Variants in RTN4 observed in about 807,000 individuals in gnomAD.
The protein encoded by RTN4 is reticulon-4.
RTN4 carries 32 observed loss-of-function variants against 90.4 expected under a neutral mutation model. The ratio of observed to expected loss-of-function variants is 0.35; its 90% CI spans 0.27 to 0.48. The LOEUF (loss-of-function observed/expected upper bound fraction) is 0.48, where lower values mean the gene tolerates loss of function less well. Ranked by LOEUF, RTN4 falls within the 20% of genes least tolerant of loss-of-function variation. RTN4 has a pLI of 0.99. For synonymous variants in RTN4, 629 were observed against 552.5 expected (o/e 1.14, Z -1.94); for missense variants, 1,706 against 1,430.2 (o/e 1.19, Z -3.11).
At chr2:55,086,154 A>T (rs1668833201) in intron 1 of RTN4, among the ~76,000 whole-genome samples, 1 of 152,214 alleles carries the variant, frequency 6.6e-6, no homozygotes, top group African/African-American at 2.4e-5. Context: ...CATTGAAAAG[A>T]CACAAAGATC....
chr2:55,058,418 T>C (rs532557542), intron 2 of RTN4, among the ~76,000 whole-genome samples: 9 of 152,350 alleles, frequency 5.9e-5, no homozygotes, highest in African/African-American at 1.9e-4. Context: ...TAATGTTAAA[T>C]GTACCACACA....
Position 54,972,302 on chromosome 2 carries a change from A to G in RTN4, c.*854T>C, listed in dbSNP as rs1355915233. On this transcript the variant is annotated 3_prime_UTR_variant, in exon 9 of 9. Coordinates refer to ENST00000337526, the MANE Select transcript of RTN4 (RefSeq NM_020532.5). ...GGTATAAATCTTCATTTTGTAATTAATAATTTCTTGCATAACAATGTTTGA... is the reference window on the plus strand; with the variant it reads ...GGTATAAATCTTCATTTTGTAATTAGTAATTTCTTGCATAACAATGTTTGA... The G allele has an allele frequency of 2.6e-5, 4 of 152,666 alleles. No individual in the cohort carries two copies. The highest frequency in any genetic ancestry group is 9.6e-5 in the African/African-American group (4 of 41,462). 9.5% of individuals were successfully genotyped at this position (152,666 alleles called of 1,614,324 possible). A position where few individuals can be genotyped will look rare whatever the true frequency, so the allele number is the denominator to read the frequency against.
At chr2:55,056,008 A>ATG (rs1558860483) in intron 2 of RTN4, among the ~76,000 whole-genome samples, 1 of 151,562 alleles carries the variant, frequency 6.6e-6, no homozygotes, top group Non-Finnish European at 1.5e-5. Flanking sequence ...GTGTGTGTAT[A>ATG]TATATATATA....
At position 54,990,310 on chromosome 2, in the gene RTN4, C is replaced by T. The variant is rs544684349; in HGVS notation, c.3014-2612G>A. ...ACCACAAAAATAATAGGTAACAAGG[C>T]GGTACTTTAATAAGTTTGATTTAAT... On this transcript the variant is annotated intron_variant, in intron 3 of 8. Coordinates refer to ENST00000337526, the MANE Select transcript of RTN4 (RefSeq NM_020532.5). 4.6e-5 allele frequency among the ~76,000 whole-genome samples: 7 copies of T among 152,170 alleles called. No individual in the cohort carries two copies. The South Asian group carries it at 1.2e-3, about 27-fold the overall frequency.
chr2:55,107,914 G>C (rs559512150), intron 1 of RTN4, among the ~76,000 whole-genome samples: 2 of 152,062 alleles, frequency 1.3e-5, no homozygotes, highest in South Asian at 4.2e-4. Context: ...GCTACATAGA[G>C]ACTGGACTTT....
intron 2 of RTN4, among the ~76,000 whole-genome samples, chr2:55,058,144 A>C (rs189488935): frequency 6.6e-6 from 1 of 152,322 alleles, no homozygotes; most frequent in African/African-American, 2.4e-5. Flanking sequence ...CAAGGGATAA[A>C]GGAGAGGGAA....
chr2:55,102,578 C>A (rs1485516226), intron 1 of RTN4, among the ~76,000 whole-genome samples: 2 of 151,940 alleles, frequency 1.3e-5, no homozygotes, highest in Admixed American at 1.3e-4. Context: ...AGTTGGCAGA[C>A]CTCACAAGAA....
intron 1 of RTN4, among the ~76,000 whole-genome samples, chr2:55,045,681 T>C (rs936084333): frequency 6.6e-6 from 1 of 152,232 alleles, no homozygotes; most frequent in African/African-American, 2.4e-5. Context: ...GGTTTCATAA[T>C]ATAAATTACC....
chr2:55,128,814 G>A, the RTN4 span, among the ~76,000 whole-genome samples: 1 of 151,834 alleles, frequency 6.6e-6, no homozygotes, highest in Non-Finnish European at 1.5e-5. Flanking sequence ...AAAAAAAGGG[G>A]TGGGAGAGAG....
At chr2:55,072,465 G>A (rs933613313) in intron 2 of RTN4, among the ~76,000 whole-genome samples, 3 of 152,116 alleles carry the variant, frequency 2.0e-5, no homozygotes, top group Non-Finnish European at 2.9e-5. Context: ...TCCTGACCTC[G>A]TGATCCGCCT....
intron 5 of RTN4, 124 bp downstream of exon 5, chr2:54,982,391 T>A: frequency 1.2e-6 from 1 of 849,252 alleles, no homozygotes. Flanking sequence ...AAACACAAGT[T>A]TACAGCCATG....
In RTN4 at chr2:54,977,809, TAGTTAATTGC is replaced by T. The variant is rs540974281; in HGVS notation, c.3361-3055_3361-3046del. 2.6e-5 allele frequency among the ~76,000 whole-genome samples: 4 copies of T among 152,354 alleles called. No individual in the cohort carries two copies. The South Asian group carries it at 8.3e-4, about 32-fold the overall frequency. ...ATCTTTTCTAGGACTTAGAAGTTTGTAGTTAATTGCAAAGGAGCAAAACAAACGGAATATT... is the reference window on the plus strand; with the variant it reads ...ATCTTTTCTAGGACTTAGAAGTTTGTAAAGGAGCAAAACAAACGGAATATT... On this transcript the variant is annotated intron_variant, in intron 5 of 8. Coordinates refer to ENST00000337526, the MANE Select transcript of RTN4 (RefSeq NM_020532.5).
rs144402841 is a variant in RTN4 at position 55,068,742 on chromosome 2, A to G, written c.-63+11747T>C. On this transcript the variant is annotated intron_variant, in intron 2 of 3. Coordinates refer to the RTN4 transcript ENST00000427710. The stretch of plus-strand genomic sequence containing the variant: ...TAATTGCATAAATGATTTGCTGAAG[A>G]CAATCACTTTTGTACTTCAGTATGC... 5.9e-5 allele frequency among the ~76,000 whole-genome samples: 9 copies of G among 152,102 alleles called. No homozygotes were observed. In the East Asian group the frequency reaches 1.7e-3, roughly 29 times the overall value.
rs1558820279 is a variant in RTN4 at position 55,025,792 on chromosome 2, T to G, written c.2307A>C (p.Glu769Asp). 6.2e-7 allele frequency: 1 copy of G among 1,613,624 alleles called. No homozygotes were observed. The highest frequency in any genetic ancestry group is 8.5e-7 in the Non-Finnish European group (1 of 1,179,806). Reference sequence around the variant, plus strand: ...ACTCAAATGAAGTCTCAGTGAGACTTTCTTTCACAAGCATCACAGTTTCAT... The same window carrying G: ...ACTCAAATGAAGTCTCAGTGAGACTGTCTTTCACAAGCATCACAGTTTCAT... Reference protein sequence around the residue: ...KQDETVMLVKESLTETSFESM... With the variant: ...KQDETVMLVKDSLTETSFESM... Residue 769 changes from glutamate to aspartate, a missense_variant, in exon 3 of 9, where the codon GAA becomes GAC. Glu to Asp is a conservative substitution (Grantham distance 45). Coordinates refer to ENST00000337526, the MANE Select transcript of RTN4 (RefSeq NM_020532.5).
rs904216088 is a variant in RTN4, at chr2:55,032,894, G to A, written c.557-4674C>T. On this transcript the variant is annotated intron_variant, in intron 1 of 8. Coordinates refer to ENST00000337526, the MANE Select transcript of RTN4 (RefSeq NM_020532.5). The stretch of plus-strand genomic sequence containing the variant: ...AAACTTAAAAATTAGCCGGTGTAGT[G>A]GTGCACACGTGCAGTTCTAGCAACT... 5.9e-5 allele frequency among the ~76,000 whole-genome samples: 9 copies of A among 151,858 alleles called. No individual in the cohort carries two copies. In the East Asian group the frequency reaches 1.5e-3, roughly 26 times the overall value.
At chr2:55,046,138 C>G (rs757849254) in intron 1 of RTN4, among the ~76,000 whole-genome samples, 2 of 152,126 alleles carry the variant, frequency 1.3e-5, no homozygotes, top group African/African-American at 2.4e-5. Context: ...ATCTAGAAAC[C>G]CTCTCTTCCA....
chr2:55,122,355 C>T, the RTN4 span, among the ~76,000 whole-genome samples: 15 of 152,296 alleles, frequency 9.8e-5, no homozygotes, highest in South Asian at 2.9e-3. Context: ...GCTTACAACA[C>T]CAAGAAGTCA....
At chr2:55,004,859 G>C (rs146028456) in intron 3 of RTN4, among the ~76,000 whole-genome samples, 3,809 of 151,802 alleles carry the variant, frequency 0.025, 160 homozygotes, top group Admixed American at 0.12. Flanking sequence ...CCTTAGGGGG[G>C]AAAAAAAAGT....
In RTN4 at chr2:55,026,143, C is replaced by G. The variant is rs1341090379; in HGVS notation, c.1956G>C (p.Glu652Asp). Residue 652 changes from glutamate (E) to aspartate (D), a missense_variant, in exon 3 of 9, where the codon GAG becomes GAC. Physicochemically the swap from Glu to Asp is conservative, Grantham distance 45. Coordinates refer to ENST00000337526, the MANE Select transcript of RTN4 (RefSeq NM_020532.5). ...CTTCATATGGTGGGGGGTTTTCAGG[C>G]TCATGTTTTATGCTTTCATAATTAA... ...SSVNYESIKH[E>D]PENPPPYEEA... 1 of 1,613,290 alleles carries G rather than the reference C, an allele frequency of 6.2e-7. No individual in the cohort carries two copies. Among genetic ancestry groups the G allele is most frequent in the Admixed American group, 1.7e-5 (1 of 59,828 alleles).
Sources: allele counts gnomAD v4.1 joint callset (sites outside exome capture counted in the v4.1 genomes callset), GRCh38; gene constraint gnomAD v4.1.1; transcripts MANE v1.5; gene names NCBI Gene and HGNC (gene_info 2026-07-23, HGNC 2026-07-21).